CXCL12: variants seen among roughly 807,000 people sequenced by gnomAD.
CXCL12 encodes the protein stromal cell-derived factor 1.
A neutral mutation model predicts 10.7 loss-of-function variants in CXCL12; 4 were observed. That is an observed-to-expected ratio of 0.37 (90% CI 0.18 to 0.86). The LOEUF is 0.86. Among genes scored for constraint, CXCL12 ranks in the 40% least tolerant of loss-of-function variants. The pLI, the probability that CXCL12 is intolerant of heterozygous loss-of-function variation, is 0.43. For missense variants in CXCL12, 122 were observed against 110.4 expected, an observed-to-expected ratio of 1.10 and a Z score of -0.47; for synonymous variants, 54 against 45.4, an observed-to-expected ratio of 1.19 and a Z score of -0.77.
At chr10:44,373,387 C>T, downstream of CXCL12, 4 of 1,547,420 alleles carry the variant, frequency 2.6e-6, no homozygotes, top group Non-Finnish European at 3.6e-6. Flanking sequence ...GCAGGTTCCC[C>T]CCACACCCAG....
At position 44,378,551 on chromosome 10, in the gene CXCL12, C is replaced by CA; in HGVS notation, c.*81dup. 1.2e-6 allele frequency: 2 copies of CA among 1,604,548 alleles called. No homozygotes were observed. Among genetic ancestry groups the CA allele is most frequent in the Admixed American group, 3.4e-5 (2 of 59,354 alleles). ...TCCTCATGGTTAAGGCCCCCTCCCC[C>CA]ACGTCTTTGCCCTTTCATCTCTCAC... On this transcript the variant is annotated 3_prime_UTR_variant, in exon 3 of 3. Coordinates refer to ENST00000343575, the MANE Select transcript of CXCL12 (RefSeq NM_199168.4).
chr10:44,377,888 G>A lies in CXCL12; in HGVS notation c.*745C>T, dbSNP rs988687843. 5.7e-6 allele frequency: 9 copies of A among 1,572,556 alleles called. No individual in the cohort carries two copies. In the Middle Eastern group the frequency reaches 7.6e-4, roughly 133 times the overall value. The stretch of plus-strand genomic sequence containing the variant: ...CCCAGCAATCACCCTCTTCCCGGCT[G>A]GTGCGGCGCTGATCAGGCTACAGAA... On this transcript the variant is annotated 3_prime_UTR_variant, in exon 3 of 3. Coordinates refer to ENST00000343575, the MANE Select transcript of CXCL12 (RefSeq NM_199168.4).
At chr10:44,372,376 C>T (rs550280385), downstream of CXCL12, 28 of 159,722 alleles carry the variant, frequency 1.8e-4, no homozygotes, top group South Asian at 1.9e-3. Context: ...CAAAGGACCA[C>T]GGCTCTGATC....
chr10:44,375,286 C>T (rs1289520585), downstream of CXCL12, among the ~76,000 whole-genome samples: 1 of 152,236 alleles, frequency 6.6e-6, no homozygotes, highest in Non-Finnish European at 1.5e-5. Context: ...AGAAACCCAC[C>T]CGGGCTTGGG....
chr10:44,372,719 C>T (rs1050116264), downstream of CXCL12: 9 of 1,427,090 alleles, frequency 6.3e-6, no homozygotes, highest in South Asian at 3.0e-5. Context: ...TGGAGGTGCT[C>T]GGGATGAGGG....
intron 2 of CXCL12, 30 bp downstream of exon 2, chr10:44,380,733 C>T (rs1481938049): frequency 1.3e-6 from 2 of 1,547,842 alleles, no homozygotes; most frequent in Non-Finnish European, 1.8e-6. Context: ...CAACTATGTT[C>T]GTTAGATGAT....
chr10:44,375,920 A>G (rs1315305683), downstream of CXCL12: 1 of 1,611,084 alleles, frequency 6.2e-7, no homozygotes, highest in Admixed American at 1.7e-5. Context: ...ACTGTGGTCC[A>G]TCTCGAGGTG....
intron 2 of CXCL12, 23 bp downstream of exon 2, chr10:44,380,740 T>G: frequency 6.4e-7 from 1 of 1,562,936 alleles, no homozygotes; most frequent in Non-Finnish European, 8.8e-7. Context: ...GTTCGTTAGA[T>G]GATGTTCAAT....
chr10:44,375,583 C>T (rs964767077), downstream of CXCL12, among the ~76,000 whole-genome samples: 1 of 152,304 alleles, frequency 6.6e-6, no homozygotes, highest in Middle Eastern at 3.4e-3. Context: ...CCCCAGTGAG[C>T]GCAGGCCTTC....
At position 44,377,420 on chromosome 10, in the gene CXCL12, T is replaced by C; in HGVS notation, c.*1213A>G. 9.0e-7 allele frequency: 1 copy of C among 1,108,824 alleles called. No homozygotes were observed. The highest frequency in any genetic ancestry group is 1.1e-6 in the Non-Finnish European group (1 of 908,012). The allele number at this position is 1,108,824 out of a possible 1,614,324, so 68.7% of individuals were successfully genotyped here. On this transcript the variant is annotated 3_prime_UTR_variant, in exon 3 of 3. Transcript: ENST00000343575. ...GTAAAAAAAAATGTGCACAAAAATA[T>C]ATATAAAAAAATGCCTTGCAAAAAG... is the stretch of plus-strand genomic sequence containing the variant.
At chr10:44,384,279 C>G (rs1019426396) in intron 1 of CXCL12, among the ~76,000 whole-genome samples, 1 of 152,214 alleles carries the variant, frequency 6.6e-6, no homozygotes, top group Non-Finnish European at 1.5e-5. Flanking sequence ...GCTGGACGCG[C>G]GCCCAGGTCC....
At chr10:44,373,292 C>G (rs1229179857), downstream of CXCL12, 1 of 1,599,888 alleles carries the variant, frequency 6.3e-7, no homozygotes, top group Admixed American at 1.7e-5. Flanking sequence ...CAGAGCTGGG[C>G]TCCTACTGTA....
Position 44,380,745 on chromosome 10 carries a change from T to G in CXCL12, c.179+18A>C. On this transcript the variant is annotated intron_variant, in intron 2 of 2. Coordinates refer to ENST00000343575, the MANE Select transcript of CXCL12 (RefSeq NM_199168.4). ...ATGCAACTATGTTCGTTAGATGATGTTCAATTTCAAGACTTACACAATCTG... is the reference window on the plus strand; with the variant it reads ...ATGCAACTATGTTCGTTAGATGATGGTCAATTTCAAGACTTACACAATCTG... 2 of 1,585,884 alleles carry G rather than the reference T, an allele frequency of 1.3e-6. No individual in the cohort carries two copies. The highest frequency in any genetic ancestry group is 1.7e-6 in the Non-Finnish European group (2 of 1,154,182).
At chr10:44,384,375 G>T (rs979710486) in intron 1 of CXCL12, among the ~76,000 whole-genome samples, 1 of 152,166 alleles carries the variant, frequency 6.6e-6, no homozygotes, top group Non-Finnish European at 1.5e-5. Context: ...GCCCGCCCGC[G>T]CCTGGCCAAG....
downstream of CXCL12, chr10:44,371,371 G>A (rs753455370): frequency 1.0e-5 from 5 of 480,546 alleles, no homozygotes; most frequent in East Asian, 5.8e-5. Context: ...CAAGTTCTAC[G>A]TGACAGATTT....
rs986400448 is a variant in CXCL12, at chr10:44,377,323, T to A, written c.*1310A>T. ...GAAGTATAAACTACTGACATTCATA[T>A]GGCTCCACTTCAAATATATGAATTG... On this transcript the variant is annotated 3_prime_UTR_variant, in exon 3 of 3. Coordinates refer to ENST00000343575, the MANE Select transcript of CXCL12 (RefSeq NM_199168.4). 9.7e-7 allele frequency: 1 copy of A among 1,033,838 alleles called. No homozygotes were observed. Among genetic ancestry groups the A allele is most frequent in the African/African-American group, 1.7e-5 (1 of 57,460 alleles). 64.0% of individuals were successfully genotyped at this position (1,033,838 alleles called of 1,614,324 possible).
Position 44,380,780 on chromosome 10 carries a change from G to GT in CXCL12, c.161dup (p.Asn54LysfsTer20), listed in dbSNP as rs768856155. The stretch of plus-strand genomic sequence containing the variant: ...AGACTTACACAATCTGAAGGGCACA[G>GT]TTTGGAGTGTTGAGAATTTTGAGAT... On this transcript the variant is annotated frameshift_variant, in exon 2 of 3. Transcript: ENST00000343575. LOFTEE classifies it high-confidence loss of function. The GT allele has an allele frequency of 6.2e-7, 1 of 1,613,840 alleles. No homozygotes were observed. The highest frequency in any genetic ancestry group is 1.1e-5 in the South Asian group (1 of 91,082).
rs1269447319 is a variant in CXCL12, at chr10:44,377,823, T to C, written c.*810A>G. On this transcript the variant is annotated 3_prime_UTR_variant, in exon 3 of 3. Coordinates refer to ENST00000343575, the MANE Select transcript of CXCL12 (RefSeq NM_199168.4). ...CGGATCTCACAGAGGGCCCGAGCTG[T>C]GGGGCAGGCCCTGGGAGGAGAGGGA... The C allele has an allele frequency of 2.5e-6, 4 of 1,596,728 alleles. No homozygotes were observed. Among genetic ancestry groups the C allele is most frequent in the Non-Finnish European group, 3.4e-6 (4 of 1,179,240 alleles).
At chr10:44,375,826 G>A (rs1839434104), downstream of CXCL12, 1 of 1,542,536 alleles carries the variant, frequency 6.5e-7, no homozygotes, top group East Asian at 2.3e-5. Context: ...CTCCCCCACG[G>A]AAGTCTGAGC....
Sources: allele counts gnomAD v4.1 joint callset (sites outside exome capture counted in the v4.1 genomes callset), GRCh38; gene constraint gnomAD v4.1.1; transcripts MANE v1.5; gene names NCBI Gene and HGNC (gene_info 2026-07-23, HGNC 2026-07-21).